The following CCDC175 variants were observed in gnomAD, a reference collection of about 807,000 sequenced individuals.
The protein encoded by CCDC175 is coiled-coil domain-containing protein 175.
CCDC175 carries 100 observed loss-of-function variants against 114.6 expected under a neutral mutation model. That is an observed-to-expected ratio of 0.87 (90% CI 0.74 to 1.03). CCDC175 has a LOEUF of 1.03. Among genes scored for constraint, CCDC175 ranks in the 50% least tolerant of loss-of-function variants. The pLI is 0.00. For synonymous variants in CCDC175, 306 were observed against 308.7 expected (o/e 0.99, Z 0.09); for missense variants, 880 against 917.8 (o/e 0.96, Z 0.53).
intron 19 of CCDC175, among the ~76,000 whole-genome samples, chr14:59,507,659 T>C (rs756333870): frequency 1.3e-5 from 2 of 152,242 alleles, no homozygotes; most frequent in Non-Finnish European, 2.9e-5. Flanking sequence ...AGGACTTGAA[T>C]AGTAAATTCA....
At chr14:59,544,262 GT>G (rs1206414341) in intron 9 of CCDC175, among the ~76,000 whole-genome samples, 7 of 152,110 alleles carry the variant, frequency 4.6e-5, no homozygotes, top group African/African-American at 1.7e-4. Flanking sequence ...CGCCTCCTGG[GT>G]TGAAGCGATT....
chr14:59,531,719 C>G (rs1399342416), intron 14 of CCDC175, 53 bp downstream of exon 14: 1 of 1,280,632 alleles, frequency 7.8e-7, no homozygotes, highest in African/African-American at 1.5e-5. Flanking sequence ...TAGAAGATGA[C>G]AGTGAAATCC....
Position 59,540,648 on chromosome 14 carries a change from CTTTT to C in CCDC175, c.1355+23_1355+26del, listed in dbSNP as rs34112354. 2,397 of 1,096,192 alleles carry C rather than the reference CTTTT, an allele frequency of 2.2e-3. 1 individual carries two copies. The highest frequency in any genetic ancestry group is 8.5e-3 in the African/African-American group (405 of 47,392). 67.9% of individuals were successfully genotyped at this position (1,096,192 alleles called of 1,614,324 possible). Reference sequence around the variant, plus strand: ...GCTGATAACACAAAACACAAATAAACTTTTTTTTTTTTTTTTTTTTTTTTACCAT... The same window carrying C: ...GCTGATAACACAAAACACAAATAAACTTTTTTTTTTTTTTTTTTTTACCAT... On this transcript the variant is annotated intron_variant, in intron 11 of 19. Coordinates refer to ENST00000537690, the MANE Select transcript of CCDC175 (RefSeq NM_001164399.2).
At chr14:59,509,218 T>C (rs1006122815) in intron 19 of CCDC175, among the ~76,000 whole-genome samples, 3 of 152,190 alleles carry the variant, frequency 2.0e-5, no homozygotes, top group African/African-American at 7.2e-5. Context: ...CACTTACAGA[T>C]GATTTAGCTC....
intron 19 of CCDC175, 84 bp from the exon 20 acceptor site, chr14:59,505,399 T>A (rs1239180056): frequency 4.4e-6 from 3 of 680,764 alleles, no homozygotes. Context: ...AAATTCTGAG[T>A]TGCCCAAAGA....
chr14:59,517,695 T>A (rs1364214055), intron 17 of CCDC175, among the ~76,000 whole-genome samples: 1 of 152,142 alleles, frequency 6.6e-6, no homozygotes, highest in African/African-American at 2.4e-5. Flanking sequence ...GGAAGAACAT[T>A]CCATGCTCAC....
chr14:59,567,293 T>A (rs1344662329), intron 4 of CCDC175, among the ~76,000 whole-genome samples: 2 of 152,222 alleles, frequency 1.3e-5, no homozygotes, highest in Non-Finnish European at 2.9e-5. Context: ...TATGTAATCA[T>A]GAACTTTCTC....
chr14:59,569,450 G>A (rs1229007420), intron 3 of CCDC175, among the ~76,000 whole-genome samples: 2 of 152,266 alleles, frequency 1.3e-5, no homozygotes, highest in Admixed American at 6.5e-5. Flanking sequence ...AAGGACTTAC[G>A]ACATAAGGCC....
At chr14:59,515,468 G>A (rs958035267) in intron 17 of CCDC175, among the ~76,000 whole-genome samples, 1 of 152,158 alleles carries the variant, frequency 6.6e-6, no homozygotes, top group African/African-American at 2.4e-5. Context: ...AGGGATGGAG[G>A]AAGATCTACC....
intron 7 of CCDC175, among the ~76,000 whole-genome samples, chr14:59,555,048 C>G (rs1316876925): frequency 3.3e-5 from 5 of 152,220 alleles, no homozygotes; most frequent in Non-Finnish European, 5.9e-5. Flanking sequence ...CAAGGAGGAG[C>G]TGGTACCATT....
intron 11 of CCDC175, 99 bp from the exon 12 acceptor site, chr14:59,538,939 C>A: frequency 8.9e-7 from 1 of 1,124,314 alleles, no homozygotes; most frequent in Non-Finnish European, 1.2e-6. Flanking sequence ...TATGACTACA[C>A]AAAATTGTTT....
rs1311143743 is a variant in CCDC175, at chr14:59,557,462, G to A, written c.953+3657C>T. Among the ~76,000 whole-genome samples the A allele has an allele frequency of 2.4e-5, 3 of 123,136 alleles. No homozygotes were observed. In the East Asian group the frequency reaches 7.5e-4, roughly 31 times the overall value. The allele number at this position is 123,136 out of a possible 152,430, so 80.8% of individuals were successfully genotyped here. ...AGGGGAACCTCACACACCGGGGCCT[G>A]TTGTGGGGTGGGGGGAGGGGGGAGG... On this transcript the variant is annotated intron_variant, in intron 7 of 19. Coordinates refer to ENST00000537690, the MANE Select transcript of CCDC175 (RefSeq NM_001164399.2).
At position 59,511,548 on chromosome 14, in the gene CCDC175, T is replaced by TAAAA. The variant is rs34490884; in HGVS notation, c.2142+208_2142+211dup. The stretch of plus-strand genomic sequence containing the variant: ...ATTAAGATTTCATAGTGATATTTGG[T>TAAAA]AAAAAAAAAAAAAAAAAAAGACACA... On this transcript the variant is annotated intron_variant, in intron 18 of 19. Transcript: ENST00000537690. 4.2e-3 allele frequency among the ~76,000 whole-genome samples: 402 copies of TAAAA among 94,642 alleles called. 16 individuals are homozygous for TAAAA. Among genetic ancestry groups the TAAAA allele is most frequent in the Middle Eastern group, 7.5e-3 (1 of 134 alleles). The allele number at this position is 94,642 out of a possible 152,430, so 62.1% of individuals were successfully genotyped here.
rs1896909747 is a variant in CCDC175 at position 59,572,753 on chromosome 14, G to C, written c.304C>G (p.Leu102Val). 4.6e-6 allele frequency: 7 copies of C among 1,520,968 alleles called. No individual in the cohort carries two copies. The highest frequency in any genetic ancestry group is 6.1e-6 in the Non-Finnish European group (7 of 1,143,066). The allele number at this position is 1,520,968 out of a possible 1,614,324, so 94.2% of individuals were successfully genotyped here. A position where few individuals can be genotyped will look rare whatever the true frequency, so the allele number is the denominator to read the frequency against. Reference protein sequence around the residue: ...LEIESMELNKLYYLLETLPNS... With the variant: ...LEIESMELNKVYYLLETLPNS... ...GGAAGAGTTTCCAATAGATAGTATA[G>C]TTTGTTGAGTTCCATGCTTTCAATC... Residue 102 changes from leucine to valine, a missense_variant, in exon 3 of 20, where the codon CTA (leucine) becomes GTA (valine). Coordinates refer to ENST00000537690, the MANE Select transcript of CCDC175 (RefSeq NM_001164399.2).
At chr14:59,532,419 A>G (rs111908790) in intron 13 of CCDC175, among the ~76,000 whole-genome samples, 6,192 of 152,308 alleles carry the variant, frequency 0.041, 163 homozygotes, top group Non-Finnish European at 0.06. Flanking sequence ...TTAGTTTCAA[A>G]TGGAATAATA....
intron 17 of CCDC175, among the ~76,000 whole-genome samples, chr14:59,516,883 C>A (rs1414977806): frequency 6.6e-6 from 1 of 152,136 alleles, no homozygotes; most frequent in Non-Finnish European, 1.5e-5. Flanking sequence ...GAATTTTAGA[C>A]CAATATCCCT....
At chr14:59,552,074 C>A (rs1895541010) in intron 7 of CCDC175, among the ~76,000 whole-genome samples, 1 of 152,248 alleles carries the variant, frequency 6.6e-6, no homozygotes. Context: ...GCAGCAGAAA[C>A]CTCTGCAGAT....
At position 59,565,181 on chromosome 14, in the gene CCDC175, T is replaced by A; in HGVS notation, c.586A>T (p.Asn196Tyr). 1 of 1,537,868 alleles carries A rather than the reference T, an allele frequency of 6.5e-7. No homozygotes were observed. The highest frequency in any genetic ancestry group is 1.7e-4 in the Middle Eastern group (1 of 5,996). The change falls in exon 5 of 20, where the codon AAT becomes TAT. Residue 196 changes from asparagine to tyrosine, a missense_variant. Coordinates refer to ENST00000537690, the MANE Select transcript of CCDC175 (RefSeq NM_001164399.2). ...AAGTTTATTTTGGTATAAGTCTCAT[T>A]TATGTAAACAGTGGTGGTGGCTTTT... Reference protein sequence around the residue: ...EKKATTTVYINETYTKINLKR... With the variant: ...EKKATTTVYIYETYTKINLKR...
Position 59,551,440 on chromosome 14 carries a change from T to C in CCDC175, c.954-4A>G, listed in dbSNP as rs748785570. 5 of 1,391,302 alleles carry C rather than the reference T, an allele frequency of 3.6e-6. No individual in the cohort carries two copies. The highest frequency in any genetic ancestry group is 3.0e-5 in the African/African-American group (2 of 67,696). 86.2% of individuals were successfully genotyped at this position (1,391,302 alleles called of 1,614,324 possible). A position where few individuals can be genotyped will look rare whatever the true frequency, so the allele number is the denominator to read the frequency against. ...TTTGTTATCTGTGAAAAAACACCTA[T>C]GAACAAAGGAAGCCAAACAGATTCA... On this transcript the variant is annotated splice_region_variant and splice_polypyrimidine_tract_variant and intron_variant, in intron 7 of 19. Coordinates refer to ENST00000537690, the MANE Select transcript of CCDC175 (RefSeq NM_001164399.2).
Sources: allele counts gnomAD v4.1 joint callset (sites outside exome capture counted in the v4.1 genomes callset), GRCh38; gene constraint gnomAD v4.1.1; transcripts MANE v1.5; gene names NCBI Gene and HGNC (gene_info 2026-07-23, HGNC 2026-07-21).